Variants in CPSF4 observed in about 807,000 individuals in gnomAD.
CPSF4 encodes the protein cleavage and polyadenylation specificity factor subunit 4.
A neutral mutation model predicts 37.7 loss-of-function variants in CPSF4; 11 were observed. That is an observed-to-expected ratio of 0.29 (90% CI 0.18 to 0.48). The LOEUF (loss-of-function observed/expected upper bound fraction) is 0.48, where lower values mean the gene tolerates loss of function less well. Ranked by LOEUF, CPSF4 falls within the 20% of genes least tolerant of loss-of-function variation. The pLI, the probability that CPSF4 is intolerant of heterozygous loss-of-function variation, is 0.99. For synonymous variants in CPSF4, 132 were observed against 135.9 expected, an observed-to-expected ratio of 0.97 and a Z score of 0.20; for missense variants, 144 against 359.5, an observed-to-expected ratio of 0.40 and a Z score of 4.85.
At position 99,453,882 on chromosome 7, in the gene CPSF4, C is replaced by A. The variant is rs1320257369; in HGVS notation, c.571-84C>A. ...GCTTCCTGCCGTTTGCGGGACGAGT[C>A]CCGCCCTCTTTTTTCCTGTCCCCAT... On this transcript the variant is annotated intron_variant, in intron 6 of 7. Transcript: ENST00000292476. This position sits in a 1 kb window ranked among gnomAD's most constrained non-coding sequence, Gnocchi z 4.7. 7 of 1,366,990 alleles carry A rather than the reference C, an allele frequency of 5.1e-6. No homozygotes were observed. The highest frequency in any genetic ancestry group is 1.9e-5 in the Admixed American group (1 of 53,838). The allele number at this position is 1,366,990 out of a possible 1,614,324, so 84.7% of individuals were successfully genotyped here. A position where few individuals can be genotyped will look rare whatever the true frequency, so the allele number is the denominator to read the frequency against.
At chr7:99,450,193 C>T (rs1418870637) in intron 3 of CPSF4, 83 bp from the exon 4 acceptor site, 25 of 1,073,298 alleles carry the variant, frequency 2.3e-5, no homozygotes, top group Non-Finnish European at 3.4e-5. Context: ...AAACTGGACA[C>T]CAGAACCTCT....
Position 99,453,709 on chromosome 7 carries a change from C to A in CPSF4, c.571-257C>A. The A allele has an allele frequency of 2.3e-6, 1 of 434,918 alleles. No individual in the cohort carries two copies. The highest frequency in any genetic ancestry group is 4.1e-6 in the Non-Finnish European group (1 of 244,066). The allele number at this position is 434,918 out of a possible 1,614,324, so 26.9% of individuals were successfully genotyped here. A position where few individuals can be genotyped will look rare whatever the true frequency, so the allele number is the denominator to read the frequency against. On this transcript the variant is annotated intron_variant, in intron 6 of 7. Transcript: ENST00000292476. This position sits in a 1 kb window ranked among gnomAD's most constrained non-coding sequence, Gnocchi z 4.7. ...GCCCTCGCCCCACTGCCCCAGAGAC[C>A]TCCTCTTGTCTCTTTGATGTTTTGT... is the stretch of plus-strand genomic sequence containing the variant.
rs986520804 is a variant in CPSF4, at chr7:99,448,317, G to A, written c.307+44G>A. Reference sequence around the variant, plus strand: ...TGGAGGCTCTGCTGAGAACCAGGGTGCAGAGGGGTCCGCTGGCTGCTCAGT... The same window carrying A: ...TGGAGGCTCTGCTGAGAACCAGGGTACAGAGGGGTCCGCTGGCTGCTCAGT... On this transcript the variant is annotated intron_variant, in intron 3 of 7. Transcript: ENST00000292476. This position sits in a 1 kb window ranked among gnomAD's most constrained non-coding sequence, Gnocchi z 4.4. 1.2e-6 allele frequency: 2 copies of A among 1,605,834 alleles called. No individual in the cohort carries two copies. The highest frequency in any genetic ancestry group is 1.7e-6 in the Non-Finnish European group (2 of 1,175,730).
intron 5 of CPSF4, 163 bp downstream of exon 5, chr7:99,450,958 C>T (rs1432244679): frequency 3.3e-6 from 2 of 602,816 alleles, no homozygotes; most frequent in East Asian, 5.6e-5. Flanking sequence ...TTATGGCCAC[C>T]AATGCTTCCT....
chr7:99,453,086 A>T lies in CPSF4; in HGVS notation c.570+646A>T, dbSNP rs577516406. On this transcript the variant is annotated intron_variant, in intron 6 of 7. Coordinates refer to ENST00000292476, the MANE Select transcript of CPSF4 (RefSeq NM_006693.4). This position sits in a 1 kb window ranked among gnomAD's most constrained non-coding sequence, Gnocchi z 4.7. ...GGATCTGCAGCAGCCTCTCAATGCC[A>T]AGGGCACCCTGAGTTTGGTTATGGG... is the stretch of plus-strand genomic sequence containing the variant. The T allele has an allele frequency of 6.6e-6, 1 of 152,556 alleles. No individual in the cohort carries two copies. Among genetic ancestry groups the T allele is most frequent in the South Asian group, 2.1e-4 (1 of 4,832 alleles). 9.5% of individuals were successfully genotyped at this position (152,556 alleles called of 1,614,324 possible).
Position 99,440,674 on chromosome 7 carries a change from A to ATATATATATTTTTTTTTTTTTT in CPSF4, c.103+1490_103+1491insATATATATTTTTTTTTTTTTTT. On this transcript the variant is annotated intron_variant, in intron 1 of 7. Transcript: ENST00000292476. Reference sequence around the variant, plus strand: ...ACCTGGCATATATATATATATATATATTTTTTTTTTTTTTTTTTTCCTGCC... The same window carrying ATATATATATTTTTTTTTTTTTT: ...ACCTGGCATATATATATATATATATATATATATATTTTTTTTTTTTTTTTTTTTTTTTTTTTTTTTTCCTGCC... 1.5e-4 allele frequency among the ~76,000 whole-genome samples: 13 copies of ATATATATATTTTTTTTTTTTTT among 88,086 alleles called. No individual in the cohort carries two copies. The South Asian group carries it at 1.7e-3, about 12-fold the overall frequency. The allele number at this position is 88,086 out of a possible 152,430, so 57.8% of individuals were successfully genotyped here.
At chr7:99,441,474 T>C in intron 1 of CPSF4, 1 of 456,284 alleles carries the variant, frequency 2.2e-6, no homozygotes, top group South Asian at 1.5e-5. Flanking sequence ...CCACACTCGC[T>C]GCTTGTCCAT....
At chr7:99,443,532 G>C (rs961691673) in intron 1 of CPSF4, 1 of 665,164 alleles carries the variant, frequency 1.5e-6, no homozygotes, top group East Asian at 2.7e-5. Flanking sequence ...TTTAATAATT[G>C]TATGTGGGGT....
Position 99,439,012 on chromosome 7 carries a change from G to A in CPSF4, c.-71G>A. The A allele has an allele frequency of 6.9e-7, 1 of 1,456,258 alleles. No individual in the cohort carries two copies. The highest frequency in any genetic ancestry group is 1.3e-5 in the South Asian group (1 of 78,146). 90.2% of individuals were successfully genotyped at this position (1,456,258 alleles called of 1,614,324 possible). A position where few individuals can be genotyped will look rare whatever the true frequency, so the allele number is the denominator to read the frequency against. Reference sequence around the variant, plus strand: ...AGGAGGAGTGTGTGCGGCGGGGCCGGCGGCGGGTAAAGGCGAGAAGGCTGC... The same window carrying A: ...AGGAGGAGTGTGTGCGGCGGGGCCGACGGCGGGTAAAGGCGAGAAGGCTGC... On this transcript the variant is annotated 5_prime_UTR_variant, in exon 1 of 8. Coordinates refer to ENST00000292476, the MANE Select transcript of CPSF4 (RefSeq NM_006693.4).
In CPSF4 at chr7:99,439,049, G is replaced by C. The variant is rs1164226555; in HGVS notation, c.-34G>C. On this transcript the variant is annotated 5_prime_UTR_variant, in exon 1 of 8. Coordinates refer to ENST00000292476, the MANE Select transcript of CPSF4 (RefSeq NM_006693.4). ...GGCGAGAAGGCTGCAGGAGACCGAG[G>C]GGGAGCCGGGCCGGTGGGGCCGCCG... 1 of 1,583,606 alleles carries C rather than the reference G, an allele frequency of 6.3e-7. No homozygotes were observed. The highest frequency in any genetic ancestry group is 8.6e-7 in the Non-Finnish European group (1 of 1,164,958).
intron 2 of CPSF4, 84 bp downstream of exon 2, chr7:99,444,923 C>A: frequency 8.5e-7 from 1 of 1,181,816 alleles, no homozygotes; most frequent in Non-Finnish European, 1.3e-6. Flanking sequence ...GCCGCCAGGT[C>A]TCTGGCTTAC....
intron 1 of CPSF4, chr7:99,443,389 T>A (rs1797195359): frequency 1.4e-6 from 2 of 1,432,694 alleles, no homozygotes; most frequent in Admixed American, 3.4e-5. Context: ...GCCTGGAGTC[T>A]GTGGATAAGA....
At position 99,457,017 on chromosome 7, in the gene CPSF4, G is replaced by C; in HGVS notation, c.*517G>C. On this transcript the variant is annotated 3_prime_UTR_variant, in exon 8 of 8. Coordinates refer to ENST00000292476, the MANE Select transcript of CPSF4 (RefSeq NM_006693.4). ...AAATTCAGGTGCCCCCATTGCCTCA[G>C]GCTGGCCCTGGTCCCAGGTGGCAGC... 4.0e-6 allele frequency: 1 copy of C among 249,096 alleles called. No homozygotes were observed. The highest frequency in any genetic ancestry group is 5.0e-5 in the Admixed American group (1 of 20,144). 15.4% of individuals were successfully genotyped at this position (249,096 alleles called of 1,614,324 possible).
At chr7:99,452,613 G>A (rs953997607) in intron 6 of CPSF4, 173 bp downstream of exon 6, 6 of 607,108 alleles carry the variant, frequency 9.9e-6, no homozygotes, top group African/African-American at 3.7e-5. Flanking sequence ...TATCTCCCTC[G>A]AGAGACGGAG....
At chr7:99,447,782 G>T in intron 2 of CPSF4, 1 of 452,234 alleles carries the variant, frequency 2.2e-6, no homozygotes, top group Non-Finnish European at 4.5e-6. Flanking sequence ...GAAGAGACAG[G>T]ATTTCACCGT....
chr7:99,445,650 G>A (rs1477737850), intron 2 of CPSF4, among the ~76,000 whole-genome samples: 4 of 152,166 alleles, frequency 2.6e-5, no homozygotes, highest in Admixed American at 1.3e-4. Flanking sequence ...TTGGGAGGCC[G>A]AGGTGGATGG....
In CPSF4 at chr7:99,452,413, G is replaced by A; in HGVS notation, c.543G>A (p.Leu181=). The A allele has an allele frequency of 2.5e-6, 4 of 1,614,036 alleles. No homozygotes were observed. The highest frequency in any genetic ancestry group is 3.4e-6 in the Non-Finnish European group (4 of 1,179,990). ...TGGGAACCACCGAGCAGCCCCCACT[G>A]CCGCAGCAGACACAGCCTCCAGCAA... is the stretch of plus-strand genomic sequence containing the variant. ...LPMGTTEQPP[L]PQQTQPPAKQ... The change falls in exon 6 of 8, where the codon CTG becomes CTA. Residue 181 remains leucine, a synonymous_variant. Transcript: ENST00000292476.
intron 1 of CPSF4, among the ~76,000 whole-genome samples, chr7:99,444,449 C>T (rs1036699210): frequency 1.3e-5 from 2 of 151,766 alleles, no homozygotes; most frequent in East Asian, 1.9e-4. Context: ...TAGAGCGAAA[C>T]CCCATCTCAA....
intron 7 of CPSF4, among the ~76,000 whole-genome samples, chr7:99,454,809 C>T (rs991983941): frequency 5.9e-5 from 9 of 152,130 alleles, no homozygotes; most frequent in Non-Finnish European, 1.0e-4. Flanking sequence ...CAGGAGTAAC[C>T]CCCAGTACTC....
Sources: allele counts gnomAD v4.1 joint callset (sites outside exome capture counted in the v4.1 genomes callset), GRCh38; gene constraint gnomAD v4.1.1; non-coding constraint Gnocchi (gnomAD v3.1); transcripts MANE v1.5; gene names NCBI Gene and HGNC (gene_info 2026-07-23, HGNC 2026-07-21).